The following GPATCH8 variants were observed in gnomAD, a reference collection of about 807,000 sequenced individuals.
GPATCH8 encodes the protein G-patch domain containing 8.
A neutral mutation model predicts 118.3 loss-of-function variants in GPATCH8; 18 were observed. The ratio of observed to expected loss-of-function variants is 0.15; its 90% CI spans 0.11 to 0.23. GPATCH8 has a LOEUF of 0.23. GPATCH8 is among the 10% of genes least tolerant of loss of function. The probability of loss-of-function intolerance (pLI) is 1.00; values close to 1 mark genes in which losing one functional copy is unlikely to be tolerated. For synonymous variants in GPATCH8, 659 were observed against 684.7 expected, an observed-to-expected ratio of 0.96 and a Z score of 0.59; for missense variants, 1,631 against 1,873.8, an observed-to-expected ratio of 0.87 and a Z score of 2.39.
intron 6 of GPATCH8, among the ~76,000 whole-genome samples, chr17:44,416,814 C>T (rs1159397588): frequency 2.0e-5 from 3 of 152,172 alleles, no homozygotes; most frequent in Non-Finnish European, 4.4e-5. Context: ...CTGGTGGCTG[C>T]TAGAGGCTTC....
At chr17:44,460,045 C>T (rs1421832654) in intron 3 of GPATCH8, among the ~76,000 whole-genome samples, 1 of 152,186 alleles carries the variant, frequency 6.6e-6, no homozygotes, top group African/African-American at 2.4e-5. Context: ...TGGGCTACAC[C>T]TATTGACTAA....
At chr17:44,466,960 T>G in intron 2 of GPATCH8, 1 of 292,798 alleles carries the variant, frequency 3.4e-6, no homozygotes. Context: ...TAAAGAAAAC[T>G]CAATCTTTGG....
intron 1 of GPATCH8, among the ~76,000 whole-genome samples, chr17:44,493,027 A>G (rs914047784): frequency 2.0e-5 from 3 of 151,728 alleles, no homozygotes; most frequent in Non-Finnish European, 1.5e-5. Flanking sequence ...TTTATAACCA[A>G]TTAAACCAAT....
intron 6 of GPATCH8, among the ~76,000 whole-genome samples, chr17:44,416,865 G>T (rs1276173678): frequency 2.0e-5 from 3 of 152,168 alleles, no homozygotes; most frequent in Non-Finnish European, 4.4e-5. Flanking sequence ...GGGAACTACT[G>T]TTTTTGTTCA....
chr17:44,399,633 C>T lies in GPATCH8; in HGVS notation c.2444G>A (p.Ser815Asn), dbSNP rs1367146594. The T allele has an allele frequency of 2.5e-6, 4 of 1,614,118 alleles. No individual in the cohort carries two copies. In the African/African-American group the frequency reaches 4.0e-5, roughly 16 times the overall value. The change falls in exon 8 of 8, where the codon AGT (serine) becomes AAT (asparagine). Residue 815 changes from serine (S) to asparagine (N), a missense_variant. Around this residue, in one of 8 missense-constraint regions of GPATCH8, gnomAD observed 922 missense variants for 879.7 expected, o/e 1.05. Transcript: ENST00000591680. ...AGCATCATCACTATCCTCATCTCCA[C>T]TACTGGGTTGGCTCCGATGGCTAGA... The part of the protein sequence containing the change: ...SRSSHRSQPS[S>N]GDEDSDDASS...
intron 7 of GPATCH8, among the ~76,000 whole-genome samples, chr17:44,403,335 A>G (rs1289255153): frequency 6.6e-6 from 1 of 151,942 alleles, no homozygotes; most frequent in Non-Finnish European, 1.5e-5. Context: ...GGCCTCCCAA[A>G]GTGCTGGGAT....
intron 3 of GPATCH8, among the ~76,000 whole-genome samples, chr17:44,437,759 C>T (rs748105246): frequency 1.3e-5 from 2 of 151,736 alleles, no homozygotes; most frequent in South Asian, 2.1e-4. Context: ...CACTTGTACT[C>T]GGTGGCTCTA....
chr17:44,403,040 A>G (rs752546194), intron 7 of GPATCH8, among the ~76,000 whole-genome samples: 15 of 152,036 alleles, frequency 9.9e-5, no homozygotes, highest in Admixed American at 8.5e-4. Flanking sequence ...CAGCCTCCTA[A>G]GTAGCTATGA....
chr17:44,414,075 ATATATGTG>A (rs1327681628), intron 6 of GPATCH8, among the ~76,000 whole-genome samples: 3 of 140,378 alleles, frequency 2.1e-5, no homozygotes, highest in Non-Finnish European at 3.0e-5. Flanking sequence ...ATATATATAT[ATATATGTG>A]TGTGTATATA....
chr17:44,501,936 G>GTA (rs138741486), intron 1 of GPATCH8, among the ~76,000 whole-genome samples: 3,827 of 151,524 alleles, frequency 0.025, 63 homozygotes, highest in Non-Finnish European at 0.036. Flanking sequence ...ATATATGTGT[G>GTA]TATATATATA....
Position 44,424,423 on chromosome 17 carries a change from G to A in GPATCH8, c.418C>T (p.Leu140=). 1 of 1,598,644 alleles carries A rather than the reference G, an allele frequency of 6.3e-7. No homozygotes were observed. Among genetic ancestry groups the A allele is most frequent in the Non-Finnish European group, 8.6e-7 (1 of 1,165,908 alleles). The change falls in exon 6 of 8, where the codon CTG becomes TTG. Residue 140 remains leucine (L), a synonymous_variant. Coordinates refer to ENST00000591680, the MANE Select transcript of GPATCH8 (RefSeq NM_001002909.4). Reference sequence around the variant, plus strand: ...TGTTTCTGATATTGCTTATCACACAGTTCACAATAAAAGTTGGCTCTGAGG... The same window carrying A: ...TGTTTCTGATATTGCTTATCACACAATTCACAATAAAAGTTGGCTCTGAGG... ...EDLRANFYCE[L]CDKQYQKHQE... is the part of the protein sequence containing the mutation.
chr17:44,406,743 G>A (rs984947208), intron 6 of GPATCH8, among the ~76,000 whole-genome samples: 3 of 152,132 alleles, frequency 2.0e-5, no homozygotes, highest in East Asian at 3.8e-4. Flanking sequence ...ATATCCAGGG[G>A]ATGAGGAGGG....
rs1172134801 is a variant in GPATCH8, at chr17:44,400,788, T to C, written c.1289A>G (p.Asn430Ser). The C allele has an allele frequency of 5.6e-6, 9 of 1,614,106 alleles. No homozygotes were observed. The highest frequency in any genetic ancestry group is 7.6e-6 in the Non-Finnish European group (9 of 1,179,968). Reference sequence around the variant, plus strand: ...ACTGCCTTTTTTACTCTCTGGGGCATTCTTTGGGTGTGTAGTATTATCACC... The same window carrying C: ...ACTGCCTTTTTTACTCTCTGGGGCACTCTTTGGGTGTGTAGTATTATCACC... ...MDGDNTTHPKNAPESKKGSSP... is the reference protein window; with the variant it reads ...MDGDNTTHPKSAPESKKGSSP... Residue 430 changes from asparagine (N) to serine (S), a missense_variant, in exon 8 of 8, where the codon AAT becomes AGT. Around this residue, in one of 8 missense-constraint regions of GPATCH8, gnomAD observed 405 missense variants for 462.7 expected, o/e 0.88. Transcript: ENST00000591680.
At chr17:44,428,853 C>T (rs1374520428) in intron 5 of GPATCH8, among the ~76,000 whole-genome samples, 1 of 151,618 alleles carries the variant, frequency 6.6e-6, no homozygotes, top group Non-Finnish European at 1.5e-5. Flanking sequence ...AATATTTACA[C>T]AGACAAGGCC....
chr17:44,408,113 T>C (rs1005529770), intron 6 of GPATCH8, among the ~76,000 whole-genome samples: 2 of 152,212 alleles, frequency 1.3e-5, no homozygotes, highest in Non-Finnish European at 2.9e-5. Flanking sequence ...CCTAGTTTTT[T>C]CTTCCCCAAA....
chr17:44,470,220 T>C (rs1196201544), intron 2 of GPATCH8, among the ~76,000 whole-genome samples: 4 of 152,234 alleles, frequency 2.6e-5, no homozygotes, highest in Admixed American at 1.3e-4. Context: ...CCCTCATCTT[T>C]TTTTGTTTGT....
At chr17:44,488,090 AT>A (rs1432621236) in intron 1 of GPATCH8, among the ~76,000 whole-genome samples, 1 of 150,202 alleles carries the variant, frequency 6.7e-6, no homozygotes, top group Non-Finnish European at 1.5e-5. Flanking sequence ...ATCCGGGCTA[AT>A]TTTTTGTATT....
At chr17:44,449,465 A>T (rs888537327) in intron 3 of GPATCH8, among the ~76,000 whole-genome samples, 1 of 150,572 alleles carries the variant, frequency 6.6e-6, no homozygotes, top group Non-Finnish European at 1.5e-5. Flanking sequence ...AGCCTCCCAA[A>T]GTGCTGGGGT....
intron 6 of GPATCH8, among the ~76,000 whole-genome samples, chr17:44,413,293 C>T (rs1329278757): frequency 6.6e-6 from 1 of 152,172 alleles, no homozygotes; most frequent in East Asian, 1.9e-4. Context: ...ATTTTTGAGA[C>T]AGAGTCTCCC....
Sources: gnomAD v4.1 joint callset for allele counts (sites outside exome capture counted in the v4.1 genomes callset) on GRCh38, gnomAD v4.1.1 for gene constraint, gnomAD v4.1.1 regional missense constraint, MANE v1.5 for transcripts, NCBI Gene and HGNC (gene_info 2026-07-23, HGNC 2026-07-21) for gene names.